The following MAGI1 variants were observed in gnomAD, a reference collection of about 807,000 sequenced individuals.
MAGI1 encodes the protein membrane associated guanylate kinase, WW and PDZ domain containing 1.
MAGI1 carries 58 observed loss-of-function variants against 139.9 expected under a neutral mutation model. The ratio of observed to expected loss-of-function variants is 0.41; its 90% CI spans 0.34 to 0.52. The LOEUF (loss-of-function observed/expected upper bound fraction) is 0.52. Ranked by LOEUF, MAGI1 falls within the 20% of genes least tolerant of loss-of-function variation. The pLI is 0.12. For missense variants in MAGI1, 1,874 were observed against 1,901.6 expected, an observed-to-expected ratio of 0.99 and a Z score of 0.27; for synonymous variants, 812 against 737.9, an observed-to-expected ratio of 1.10 and a Z score of -1.63.
At chr3:65,793,799 A>T (rs1003309337) in intron 1 of MAGI1, among the ~76,000 whole-genome samples, 2 of 152,246 alleles carry the variant, frequency 1.3e-5, no homozygotes, top group Admixed American at 6.5e-5. Flanking sequence ...GTTAAGGAAT[A>T]GATCAAGAAA....
intron 1 of MAGI1, among the ~76,000 whole-genome samples, chr3:65,940,772 C>A (rs1329260721): frequency 6.6e-6 from 1 of 152,202 alleles, no homozygotes; most frequent in Non-Finnish European, 1.5e-5. Flanking sequence ...GCGTATCAGA[C>A]TGCACAATCC....
chr3:65,383,354 C>G (rs567746216), intron 15 of MAGI1, among the ~76,000 whole-genome samples, 178 bp downstream of exon 15: 1 of 152,196 alleles, frequency 6.6e-6, no homozygotes, highest in African/African-American at 2.4e-5. Context: ...AATCTAGTCT[C>G]TTCTTCCTCA....
chr3:65,396,057 TGACA>T (rs1251614234), intron 13 of MAGI1, among the ~76,000 whole-genome samples: 1 of 152,036 alleles, frequency 6.6e-6, no homozygotes, highest in East Asian at 1.9e-4. Flanking sequence ...CAGGGATTGC[TGACA>T]GACTGAATGG....
rs78761967 is a variant in MAGI1, at chr3:66,007,740, A to C, written c.313+30256T>G. Among the ~76,000 whole-genome samples the C allele has an allele frequency of 4.8e-3, 738 of 152,268 alleles. 6 individuals carry two copies. The highest frequency in any genetic ancestry group is 0.016 in the African/African-American group (683 of 41,536). On this transcript the variant is annotated intron_variant, in intron 1 of 22. Transcript: ENST00000402939. ...CTGCAGACAACAAGGAACATAGCTC[A>C]TAAGTGAGATGAGCCCTAGTACAGC...
intron 1 of MAGI1, among the ~76,000 whole-genome samples, chr3:65,629,512 T>A (rs1031295609): frequency 1.3e-5 from 2 of 151,956 alleles, no homozygotes; most frequent in Non-Finnish European, 2.9e-5. Context: ...GAAAAGTCCA[T>A]TTATTAGGAC....
chr3:65,860,063 T>C lies in MAGI1; in HGVS notation c.313+177933A>G, dbSNP rs549245989. Among the ~76,000 whole-genome samples the C allele has an allele frequency of 5.9e-4, 89 of 152,066 alleles. 1 individual carries two copies. Among genetic ancestry groups the C allele is most frequent in the Admixed American group, 2.2e-3 (34 of 15,268 alleles). Reference sequence around the variant, plus strand: ...GGCACGCACCACCATGCCTGGCTAATTTTGTATTTTTTAGTAGAGACAGGG... The same window carrying C: ...GGCACGCACCACCATGCCTGGCTAACTTTGTATTTTTTAGTAGAGACAGGG... On this transcript the variant is annotated intron_variant, in intron 1 of 22. Transcript: ENST00000402939.
chr3:65,522,706 T>G (rs1415729399), intron 2 of MAGI1, among the ~76,000 whole-genome samples: 6 of 152,180 alleles, frequency 3.9e-5, no homozygotes, highest in Non-Finnish European at 5.9e-5. Flanking sequence ...TCAATTTGGG[T>G]ACTTTTAGCT....
rs561073143 is a variant in MAGI1 at position 65,422,028 on chromosome 3, G to C, written c.2167+7492C>G. On this transcript the variant is annotated intron_variant, in intron 12 of 22. Coordinates refer to ENST00000402939, the MANE Select transcript of MAGI1 (RefSeq NM_001033057.2). ...TCAAATGTATAAAAACAAAAGAAAG[G>C]GTAAAATAAAGGATATCCAGCTTCT... Among the ~76,000 whole-genome samples, 3 of 152,176 alleles carry C rather than the reference G, an allele frequency of 2.0e-5. No homozygotes were observed. The South Asian group carries it at 6.2e-4, about 32-fold the overall frequency.
intron 1 of MAGI1, among the ~76,000 whole-genome samples, chr3:65,750,257 C>T (rs2036035708): frequency 6.6e-6 from 1 of 152,046 alleles, no homozygotes; most frequent in Non-Finnish European, 1.5e-5. Flanking sequence ...ATCTGGAGAA[C>T]CTAAAAGGAG....
intron 1 of MAGI1, among the ~76,000 whole-genome samples, chr3:65,877,815 C>G (rs2060173881): frequency 3.3e-5 from 5 of 152,074 alleles, no homozygotes; most frequent in Admixed American, 2.6e-4. Flanking sequence ...CATAACAAAA[C>G]AGGAACATGG....
intron 1 of MAGI1, among the ~76,000 whole-genome samples, chr3:65,886,302 C>T (rs1391076737): frequency 6.6e-6 from 1 of 151,974 alleles, no homozygotes; most frequent in African/African-American, 2.4e-5. Flanking sequence ...TGGATGAGGA[C>T]AAGAAAATAT....
intron 12 of MAGI1, among the ~76,000 whole-genome samples, chr3:65,418,247 C>T (rs914456282): frequency 1.3e-5 from 2 of 152,134 alleles, no homozygotes; most frequent in Admixed American, 6.5e-5. Flanking sequence ...ATATTACTGA[C>T]GGTAAAGCTC....
chr3:65,915,238 A>G (rs1384056386), intron 1 of MAGI1, among the ~76,000 whole-genome samples: 1 of 152,254 alleles, frequency 6.6e-6, no homozygotes, highest in Non-Finnish European at 1.5e-5. Flanking sequence ...TACAAATGCT[A>G]GGACTGTTCA....
intron 1 of MAGI1, among the ~76,000 whole-genome samples, chr3:65,660,279 A>G (rs1358038140): frequency 2.0e-5 from 3 of 152,258 alleles, no homozygotes; most frequent in African/African-American, 7.2e-5. Flanking sequence ...ATGAAGGTGA[A>G]CATGGTAAAC....
intron 12 of MAGI1, among the ~76,000 whole-genome samples, chr3:65,418,824 C>A (rs748102167): frequency 1.1e-4 from 17 of 152,220 alleles, no homozygotes; most frequent in Non-Finnish European, 2.1e-4. Context: ...CTCTCCAGCC[C>A]GACTGCATTA....
At chr3:65,462,802 G>A (rs189390978) in intron 5 of MAGI1, among the ~76,000 whole-genome samples, 3 of 152,208 alleles carry the variant, frequency 2.0e-5, no homozygotes, top group Admixed American at 2.0e-4. Context: ...CTTGAGCAGT[G>A]GTGCGTAGTT....
chr3:65,467,281 T>C (rs1222170793), intron 5 of MAGI1, among the ~76,000 whole-genome samples: 2 of 152,234 alleles, frequency 1.3e-5, no homozygotes, highest in Non-Finnish European at 2.9e-5. Context: ...AACAAATGTG[T>C]ATATATTTGC....
intron 1 of MAGI1, among the ~76,000 whole-genome samples, chr3:65,839,702 T>TA (rs528842508): frequency 9.2e-5 from 14 of 152,298 alleles, no homozygotes; most frequent in Admixed American, 3.9e-4. Context: ...GAAGAATTCT[T>TA]AGACACGACA....
chr3:65,598,101 CAT>C (rs941103822), intron 2 of MAGI1, among the ~76,000 whole-genome samples: 7 of 152,278 alleles, frequency 4.6e-5, no homozygotes, highest in Non-Finnish European at 7.3e-5. Context: ...ATTTCTAACA[CAT>C]GACAACAATT....
Sources: gnomAD v4.1 joint callset for allele counts (sites outside exome capture counted in the v4.1 genomes callset) on GRCh38, gnomAD v4.1.1 for gene constraint, MANE v1.5 for transcripts, NCBI Gene and HGNC (gene_info 2026-07-23, HGNC 2026-07-21) for gene names.